The following ERC2 variants were observed in gnomAD, a reference collection of about 807,000 sequenced individuals.
The protein encoded by ERC2 is ELKS/RAB6-interacting/CAST family member 2.
A neutral mutation model predicts 114.8 loss-of-function variants in ERC2; 42 were observed. The ratio of observed to expected loss-of-function variants is 0.37; its 90% confidence interval spans 0.29 to 0.47. The LOEUF (loss-of-function observed/expected upper bound fraction) is 0.47. Among genes scored for constraint, ERC2 ranks in the 20% least tolerant of loss-of-function variants. ERC2 has a pLI of 0.99. For synonymous variants in ERC2, 454 were observed against 425.5 expected (o/e 1.07, Z -0.82); for missense variants, 939 against 1,150.7 (o/e 0.82, Z 2.66).
chr3:56,328,050 C>G (rs1352586417), intron 2 of ERC2, among the ~76,000 whole-genome samples: 2 of 152,112 alleles, frequency 1.3e-5, no homozygotes, highest in Non-Finnish European at 2.9e-5. Flanking sequence ...GAGAGTTAGA[C>G]CCACCTATTT....
At chr3:56,301,513 C>A (rs1236320360) in intron 2 of ERC2, among the ~76,000 whole-genome samples, 1 of 152,042 alleles carries the variant, frequency 6.6e-6, no homozygotes, top group Non-Finnish European at 1.5e-5. Context: ...TCTTCTCTCC[C>A]CCTCCTACTC....
chr3:55,733,542 T>TCTCACACACA lies in ERC2; in HGVS notation c.2712+1228_2712+1229insTGTGTGTGAG, dbSNP rs377515133. Among the ~76,000 whole-genome samples, 598 of 107,806 alleles carry TCTCACACACA rather than the reference T, an allele frequency of 5.5e-3. 24 individuals are homozygous for TCTCACACACA. The highest frequency in any genetic ancestry group is 0.032 in the Admixed American group (333 of 10,344). The allele number at this position is 107,806 out of a possible 152,430, so 70.7% of individuals were successfully genotyped here. On this transcript the variant is annotated intron_variant, in intron 15 of 17. Transcript: ENST00000288221. ...CTGTCTCTCATTCTTTCTCTCTCTCTCACACACACACACACACACACACAC... is the reference window on the plus strand; with the variant it reads ...CTGTCTCTCATTCTTTCTCTCTCTCTCTCACACACACACACACACACACACACACACACAC...
intron 2 of ERC2, among the ~76,000 whole-genome samples, chr3:56,304,689 G>C (rs2150377376): frequency 6.6e-6 from 1 of 152,258 alleles, no homozygotes; most frequent in South Asian, 2.1e-4. Flanking sequence ...TTTCTCATAG[G>C]AATTAGAGGA....
At chr3:55,882,460 T>C (rs560239343) in intron 14 of ERC2, among the ~76,000 whole-genome samples, 1 of 152,340 alleles carries the variant, frequency 6.6e-6, no homozygotes, top group East Asian at 1.9e-4. Context: ...CATACACATG[T>C]ATACAATTGG....
intron 2 of ERC2, among the ~76,000 whole-genome samples, chr3:56,360,931 A>C (rs2058932721): frequency 6.6e-6 from 1 of 152,122 alleles, no homozygotes; most frequent in Non-Finnish European, 1.5e-5. Flanking sequence ...CAAGTAAATA[A>C]AAATAAAAAG....
At chr3:55,835,361 C>G (rs2060825700) in intron 14 of ERC2, among the ~76,000 whole-genome samples, 1 of 152,176 alleles carries the variant, frequency 6.6e-6, no homozygotes, top group Non-Finnish European at 1.5e-5. Context: ...CAATGAAATA[C>G]TGGCAAACTG....
At chr3:56,081,979 C>T (rs757496088) in intron 6 of ERC2, among the ~76,000 whole-genome samples, 20 of 152,200 alleles carry the variant, frequency 1.3e-4, no homozygotes, top group Non-Finnish European at 2.5e-4. Context: ...CCTTAATTAT[C>T]GACAATGACA....
At chr3:55,618,974 A>C (rs2148590572) in intron 17 of ERC2, among the ~76,000 whole-genome samples, 1 of 152,298 alleles carries the variant, frequency 6.6e-6, no homozygotes, top group African/African-American at 2.4e-5. Context: ...ACTGTTGTTC[A>C]AGCGTAGTCT....
chr3:55,567,898 A>G (rs1030276252), intron 17 of ERC2, among the ~76,000 whole-genome samples: 1 of 152,098 alleles, frequency 6.6e-6, no homozygotes, highest in Non-Finnish European at 1.5e-5. Context: ...TTTTATCACT[A>G]TCTGGTGAGT....
At chr3:56,101,721 T>C (rs1205515812) in intron 6 of ERC2, among the ~76,000 whole-genome samples, 1 of 152,122 alleles carries the variant, frequency 6.6e-6, no homozygotes, top group East Asian at 1.9e-4. Context: ...GGAGTAGCCA[T>C]TGTGGTTTTA....
At chr3:56,290,768 G>A (rs993892565) in intron 3 of ERC2, among the ~76,000 whole-genome samples, 1 of 152,186 alleles carries the variant, frequency 6.6e-6, no homozygotes, top group East Asian at 1.9e-4. Context: ...ATCTCCCACT[G>A]TCCTGGGTTC....
chr3:55,901,475 G>T (rs2064134858), intron 13 of ERC2, among the ~76,000 whole-genome samples: 1 of 152,186 alleles, frequency 6.6e-6, no homozygotes, highest in South Asian at 2.1e-4. Flanking sequence ...AGGTCACCTT[G>T]TCATGTCCAG....
At chr3:55,518,043 A>G (rs2052652873) in intron 17 of ERC2, among the ~76,000 whole-genome samples, 1 of 152,040 alleles carries the variant, frequency 6.6e-6, no homozygotes, top group South Asian at 2.1e-4. Context: ...TGCCCTGTGC[A>G]TGGTAGGATG....
intron 7 of ERC2, among the ~76,000 whole-genome samples, chr3:56,029,217 T>C (rs1403277532): frequency 6.6e-6 from 1 of 151,826 alleles, no homozygotes; most frequent in Non-Finnish European, 1.5e-5. Context: ...TGTTGGAGAG[T>C]TTTATATCTA....
chr3:56,305,092 A>T (rs1234912277), intron 2 of ERC2, among the ~76,000 whole-genome samples: 1 of 152,110 alleles, frequency 6.6e-6, no homozygotes, highest in Non-Finnish European at 1.5e-5. Flanking sequence ...GAAAACCCAA[A>T]AGAATCTATA....
In ERC2 at chr3:55,626,102, T is replaced by C. The variant is rs2148612345; in HGVS notation, c.*39+57692A>G. ...GCACAATACAAATTACAGAAGTGAG[T>C]TGCATTTTACCTAGTAAGTCTGGAA... On this transcript the variant is annotated intron_variant, in intron 17 of 17. Transcript: ENST00000288221. Among the ~76,000 whole-genome samples, 5 of 152,286 alleles carry C rather than the reference T, an allele frequency of 3.3e-5. No homozygotes were observed. The South Asian group carries it at 1.0e-3, about 32-fold the overall frequency.
chr3:56,408,750 T>C (rs563541663), intron 2 of ERC2, among the ~76,000 whole-genome samples: 1 of 152,312 alleles, frequency 6.6e-6, no homozygotes, highest in East Asian at 1.9e-4. Context: ...GCAGGCTCCT[T>C]CAGACAGCGT....
At chr3:55,902,358 A>G (rs1462986649) in intron 13 of ERC2, among the ~76,000 whole-genome samples, 2 of 152,046 alleles carry the variant, frequency 1.3e-5, no homozygotes, top group South Asian at 2.1e-4. Context: ...AGCATCCCCC[A>G]CAGTGACTTG....
intron 13 of ERC2, among the ~76,000 whole-genome samples, chr3:55,915,684 A>G (rs1173808640): frequency 6.6e-6 from 1 of 152,178 alleles, no homozygotes; most frequent in Non-Finnish European, 1.5e-5. Flanking sequence ...AAGGATTGGA[A>G]GCAAGATAAC....
Sources: allele counts gnomAD v4.1 joint callset (sites outside exome capture counted in the v4.1 genomes callset), GRCh38; gene constraint gnomAD v4.1.1; transcripts MANE v1.5; gene names NCBI Gene and HGNC (gene_info 2026-07-23, HGNC 2026-07-21).